Variants in ZNF658 observed in about 807,000 individuals in gnomAD.
ZNF658 encodes the protein zinc finger protein 658.
Under a neutral mutation model 78.0 loss-of-function variants are expected in ZNF658, and 46 were observed. The ratio of observed to expected loss-of-function variants is 0.59; its 90% CI spans 0.47 to 0.75. The LOEUF (loss-of-function observed/expected upper bound fraction) is 0.75, where lower values mean the gene tolerates loss of function less well. Ranked by LOEUF, ZNF658 falls within the 30% of genes least tolerant of loss-of-function variation. The pLI is 0.00. For synonymous variants in ZNF658, 279 were observed against 408.4 expected (o/e 0.68, Z 3.82); for missense variants, 785 against 1,189.3 (o/e 0.66, Z 5.00).
In ZNF658 at chr9:66,920,536, G is replaced by T; in HGVS notation, c.2970G>T (p.Gly990=). ...GTGCACACCAGAGAATTCACACAGG[G>T]GAGAAACCCTATGAGTGTAATGAAT... ...HLSAHQRIHT[G]EKPYECNECG... The change falls in exon 5 of 5, where the codon GGG becomes GGT. Residue 990 remains glycine, a synonymous_variant. Coordinates refer to ENST00000621410, the MANE Select transcript of ZNF658 (RefSeq NM_033160.7). 1 of 1,410,946 alleles carries T rather than the reference G, an allele frequency of 7.1e-7. No individual in the cohort carries two copies. The highest frequency in any genetic ancestry group is 2.3e-5 in the East Asian group (1 of 43,590). 87.4% of individuals were successfully genotyped at this position (1,410,946 alleles called of 1,614,324 possible). A position where few individuals can be genotyped will look rare whatever the true frequency, so the allele number is the denominator to read the frequency against.
At chr9:66,903,950 GC>G in intron 2 of ZNF658, among the ~76,000 whole-genome samples, 1 of 152,214 alleles carries the variant, frequency 6.6e-6, no homozygotes, top group Non-Finnish European at 1.5e-5. Flanking sequence ...TTAATAAATT[GC>G]CAAATAACAG....
At chr9:66,929,537 T>A (rs1306243088) in intron 6 of ZNF658, among the ~76,000 whole-genome samples, 1 of 151,858 alleles carries the variant, frequency 6.6e-6, no homozygotes, top group Non-Finnish European at 1.5e-5. Flanking sequence ...GTCTGGAATG[T>A]TTCTTCCAGG....
In ZNF658 at chr9:66,919,107, G is replaced by A. The variant is rs1397252533; in HGVS notation, c.1541G>A (p.Gly514Glu). Residue 514 changes from glycine (G) to glutamate (E), a missense_variant, in exon 5 of 5, where the codon GGG becomes GAG. Physicochemically the swap from Gly to Glu is moderately conservative, Grantham distance 98. Coordinates refer to ENST00000621410, the MANE Select transcript of ZNF658 (RefSeq NM_033160.7). ...HLKGHQRILM[G>E]EKPYECIECG... ...AAAGGACATCAGAGAATTCTCATGGGGGAGAAACCCTATGAATGTATTGAA... is the reference window on the plus strand; with the variant it reads ...AAAGGACATCAGAGAATTCTCATGGAGGAGAAACCCTATGAATGTATTGAA... 4 of 557,246 alleles carry A rather than the reference G, an allele frequency of 7.2e-6. No homozygotes were observed. The highest frequency in any genetic ancestry group is 1.2e-5 in the Non-Finnish European group (4 of 344,192). The allele number at this position is 557,246 out of a possible 1,614,324, so 34.5% of individuals were successfully genotyped here.
At chr9:66,923,216 G>A (rs189280213), downstream of ZNF658, among the ~76,000 whole-genome samples, 1 of 151,354 alleles carries the variant, frequency 6.6e-6, no homozygotes, top group East Asian at 2.0e-4. Context: ...GAAGAACTTG[G>A]AGTCCAATGT....
chr9:66,929,806 C>T (rs1223165521), intron 6 of ZNF658, among the ~76,000 whole-genome samples: 79 of 106,372 alleles, frequency 7.4e-4, no homozygotes, highest in African/African-American at 2.3e-3. Context: ...TTTTTTTAGA[C>T]GGAGTCTTGC....
rs1175727165 is a variant in ZNF658, at chr9:66,908,356, T to C, written c.134T>C (p.Ile45Thr). The C allele has an allele frequency of 1.2e-6, 2 of 1,613,992 alleles. No homozygotes were observed. The highest frequency in any genetic ancestry group is 2.7e-5 in the African/African-American group (2 of 74,928). ...ATGCTGGAGAACTACAGCCACCTCA[T>C]CTCAGTGGGTGAGCATAGCTTACCA... is the stretch of plus-strand genomic sequence containing the variant. Reference protein sequence around the residue: ...DVMLENYSHLISVGYCITKPK... With the variant: ...DVMLENYSHLTSVGYCITKPK... The change falls in exon 3 of 5, where the codon ATC (isoleucine) becomes ACC (threonine). Residue 45 changes from isoleucine to threonine, a missense_variant. Physicochemically the swap from Ile to Thr is moderately conservative, Grantham distance 89. Transcript: ENST00000621410.
chr9:66,910,935 G>A (rs1344659192), intron 4 of ZNF658, among the ~76,000 whole-genome samples: 1 of 151,778 alleles, frequency 6.6e-6, no homozygotes, highest in Non-Finnish European at 1.5e-5. Context: ...TCATTCAAGA[G>A]CACAGGGAAA....
At chr9:66,905,048 TTCTTTTC>T (rs1822042384) in intron 2 of ZNF658, among the ~76,000 whole-genome samples, 1 of 82,576 alleles carries the variant, frequency 1.2e-5, no homozygotes, top group Non-Finnish European at 2.5e-5. Context: ...CTTTTCTTTT[TTCTTTTC>T]TCTTTTTCTT....
chr9:66,915,537 T>A (rs1036774698), intron 4 of ZNF658, among the ~76,000 whole-genome samples: 13 of 151,406 alleles, frequency 8.6e-5, no homozygotes, highest in African/African-American at 3.2e-4. Flanking sequence ...AACACAGTCA[T>A]GTTGGCACCC....
rs1822316006 is a variant in ZNF658, at chr9:66,915,529, C to T, written c.239-2276C>T. 3.3e-5 allele frequency among the ~76,000 whole-genome samples: 5 copies of T among 151,128 alleles called. No homozygotes were observed. In the South Asian group the frequency reaches 1.0e-3, roughly 32 times the overall value. On this transcript the variant is annotated intron_variant, in intron 4 of 4. Transcript: ENST00000621410. ...AAACCAGAAGAGGTCTTCACAAGAACACAGTCATGTTGGCACCCTAATCTC... is the reference window on the plus strand; with the variant it reads ...AAACCAGAAGAGGTCTTCACAAGAATACAGTCATGTTGGCACCCTAATCTC...
intron 1 of ZNF658, 21 bp downstream of exon 1, chr9:66,900,857 G>T (rs936977056): frequency 6.6e-6 from 1 of 152,178 alleles, no homozygotes; most frequent in African/African-American, 2.4e-5. Context: ...CGGTGACAGG[G>T]CTCCGCGCGG....
chr9:66,920,185 C>T lies in ZNF658; in HGVS notation c.2619C>T (p.His873=), dbSNP rs201360617. 6.3e-7 allele frequency: 1 copy of T among 1,583,844 alleles called. No homozygotes were observed. Among genetic ancestry groups the T allele is most frequent in the Non-Finnish European group, 8.6e-7 (1 of 1,167,872 alleles). ...ATAATTCAGCCCTCAGGGCACATCA[C>T]AGAATTCACACAGGGGAGAAACCCT... is the stretch of plus-strand genomic sequence containing the variant. The part of the protein sequence containing the change: ...FADNSALRAH[H]RIHTGEKPYE... The change falls in exon 5 of 5, where the codon CAC becomes CAT. Residue 873 remains histidine (H), a synonymous_variant. Transcript: ENST00000621410.
In ZNF658 at chr9:66,919,517, A is replaced by T; in HGVS notation, c.1951A>T (p.Ile651Phe). The change falls in exon 5 of 5, where the codon ATT (isoleucine) becomes TTT (phenylalanine). Residue 651 changes from isoleucine to phenylalanine, a missense_variant. Ile to Phe is a conservative substitution (Grantham distance 21). Coordinates refer to ENST00000621410, the MANE Select transcript of ZNF658 (RefSeq NM_033160.7). ...TTCTGTTCTCAAGGCACATCAAAGA[A>T]TTCACACAGGGGAGAAACCCTATGA... is the stretch of plus-strand genomic sequence containing the variant. ...HISVLKAHQR[I>F]HTGEKPYECN... The T allele has an allele frequency of 5.0e-6, 8 of 1,605,996 alleles. No homozygotes were observed. The highest frequency in any genetic ancestry group is 6.8e-6 in the Non-Finnish European group (8 of 1,177,014).
At chr9:66,904,667 GA>G (rs1822032563) in intron 2 of ZNF658, among the ~76,000 whole-genome samples, 1 of 152,024 alleles carries the variant, frequency 6.6e-6, no homozygotes, top group South Asian at 2.1e-4. Context: ...CCCTTAGAAA[GA>G]AGCTGTGTAC....
intron 1 of ZNF658, 198 bp from the exon 2 acceptor site, chr9:66,903,320 A>C (rs1821995325): frequency 3.9e-6 from 2 of 518,920 alleles, no homozygotes; most frequent in Admixed American, 6.5e-5. Flanking sequence ...CTGCATTGGG[A>C]ATCCTTTTCT....
intron 2 of ZNF658, among the ~76,000 whole-genome samples, chr9:66,904,370 T>C (rs953705688): frequency 6.6e-6 from 1 of 151,640 alleles, no homozygotes; most frequent in African/African-American, 2.4e-5. Context: ...TTAGTGATAC[T>C]TGCCCCTCAC....
In ZNF658 at chr9:66,920,371, G is replaced by T. The variant is rs778385567; in HGVS notation, c.2805G>T (p.Glu935Asp). The change falls in exon 5 of 5, where the codon GAG (glutamate) becomes GAT (aspartate). Residue 935 changes from glutamate (E) to aspartate (D), a missense_variant. Glu to Asp is a conservative substitution (Grantham distance 45). This residue lies in a region of ZNF658 where 85 missense variants were observed against 108.6 expected (regional missense o/e 0.78). Coordinates refer to ENST00000621410, the MANE Select transcript of ZNF658 (RefSeq NM_033160.7). ...CACATCAGAGAGTTCATACGGGGGA[G>T]AAACCCTACGAATGTAATGTATGTG... is the stretch of plus-strand genomic sequence containing the variant. ...VSAHQRVHTG[E>D]KPYECNVCGK... 1 of 1,612,114 alleles carries T rather than the reference G, an allele frequency of 6.2e-7. No homozygotes were observed. Among genetic ancestry groups the T allele is most frequent in the Middle Eastern group, 1.7e-4 (1 of 5,874 alleles).
chr9:66,925,879 G>A (rs552626884), downstream of ZNF658, among the ~76,000 whole-genome samples: 2,503 of 148,664 alleles, frequency 0.017, 65 homozygotes, highest in African/African-American at 0.057. Context: ...CAAATTAATA[G>A]GATCATACAC....
At position 66,918,524 on chromosome 9, in the gene ZNF658, A is replaced by C; in HGVS notation, c.958A>C (p.Thr320Pro). 6.2e-7 allele frequency: 1 copy of C among 1,606,804 alleles called. No homozygotes were observed. Among genetic ancestry groups the C allele is most frequent in the Non-Finnish European group, 8.5e-7 (1 of 1,174,268 alleles). ...SPLTQSQRTI[T>P]GWSAFESNKC... is the part of the protein sequence containing the mutation. ...CCTCACTCAATCTCAGAGAACTATT[A>C]CAGGATGGAGTGCTTTTGAAAGCAA... Residue 320 changes from threonine (T) to proline (P), a missense_variant, in exon 5 of 5, where the codon ACA becomes CCA. By Grantham distance (38) the Thr-to-Pro change is conservative. Coordinates refer to ENST00000621410, the MANE Select transcript of ZNF658 (RefSeq NM_033160.7).
Sources: gnomAD v4.1 joint callset for allele counts (sites outside exome capture counted in the v4.1 genomes callset) on GRCh38, gnomAD v4.1.1 for gene constraint, gnomAD v4.1.1 regional missense constraint, MANE v1.5 for transcripts, NCBI Gene and HGNC (gene_info 2026-07-23, HGNC 2026-07-21) for gene names.